The following PCDHA4 variants were observed in gnomAD, a reference collection of about 807,000 sequenced individuals.
PCDHA4 encodes the protein protocadherin alpha 4, also known as protocadherin alpha-4.
Under a neutral mutation model 61.4 loss-of-function variants are expected in PCDHA4, and 49 were observed. That is an observed-to-expected ratio of 0.80 (90% CI 0.63 to 1.01). The LOEUF is 1.01. Among genes scored for constraint, PCDHA4 ranks in the 50% least tolerant of loss-of-function variants. PCDHA4 has a pLI of 0.00. For synonymous variants in PCDHA4, 590 were observed against 550.3 expected, an observed-to-expected ratio of 1.07 and a Z score of -1.01; for missense variants, 1,254 against 1,235.8, an observed-to-expected ratio of 1.01 and a Z score of -0.22.
chr5:140,814,401 A>G (rs1765508125), intron 1 of PCDHA4: 2 of 151,200 alleles, frequency 1.3e-5, no homozygotes, highest in East Asian at 1.9e-4. Flanking sequence ...TTCTAGTGGA[A>G]TACTTCCCAA....
rs2150496669 is a variant in PCDHA4 at position 140,850,740 on chromosome 5, T to C, written c.2385+41168T>C. 3.8e-6 allele frequency: 6 copies of C among 1,597,446 alleles called. No individual in the cohort carries two copies. In the South Asian group the frequency reaches 4.4e-5, roughly 12 times the overall value. On this transcript the variant is annotated intron_variant, in intron 1 of 3. Transcript: ENST00000530339. ...GTGTTCTAGCGCGGTGGGGAGTTGG[T>C]CGTACTCGCAGCAGAGGAGGCAGAG...
chr5:140,877,604 T>G (rs376081263), intron 1 of PCDHA4: 2 of 1,613,768 alleles, frequency 1.2e-6, no homozygotes, highest in African/African-American at 1.3e-5. Context: ...TCCAGCCTGC[T>G]GGTGCTCACG....
intron 1 of PCDHA4, chr5:140,823,140 G>T (rs2150122762): frequency 1.2e-6 from 2 of 1,614,000 alleles, no homozygotes; most frequent in South Asian, 2.2e-5. Context: ...CGGCGTTCGC[G>T]CAGCCCCAGT....
chr5:141,006,680 G>A (rs1449792614), intron 3 of PCDHA4, among the ~76,000 whole-genome samples: 5 of 152,036 alleles, frequency 3.3e-5, no homozygotes, highest in African/African-American at 1.2e-4. Flanking sequence ...AGTGAAAATT[G>A]GGAGAAGAGG....
At chr5:140,870,938 C>G in intron 1 of PCDHA4, 1 of 1,613,724 alleles carries the variant, frequency 6.2e-7, no homozygotes, top group Non-Finnish European at 8.5e-7. Flanking sequence ...GAATTGCAGC[C>G]GGCGGCGGGC....
At chr5:140,830,019 C>T (rs2150179652) in intron 1 of PCDHA4, 3 of 1,613,890 alleles carry the variant, frequency 1.9e-6, no homozygotes, top group Admixed American at 1.7e-5. Flanking sequence ...GCGGACTCTC[C>T]GCGCCACCGG....
intron 1 of PCDHA4, chr5:140,884,108 G>T: frequency 1.9e-6 from 3 of 1,613,402 alleles, no homozygotes; most frequent in Non-Finnish European, 2.5e-6. Context: ...ATTGCAGCTG[G>T]CGGCGGTCGG....
At position 140,808,651 on chromosome 5, in the gene PCDHA4, G is replaced by T. The variant is rs144041965; in HGVS notation, c.1464G>T (p.Ala488=). Residue 488 remains alanine, a synonymous_variant, in exon 1 of 4, where the codon GCG becomes GCT. Coordinates refer to ENST00000530339, the MANE Select transcript of PCDHA4 (RefSeq NM_018907.4). ...SAWDADAQEN[A]LVSYSLVERR... ...GGGACGCGGACGCGCAGGAGAACGC[G>T]CTGGTGTCCTACTCGCTGGTAGAGC... 2 of 1,613,310 alleles carry T rather than the reference G, an allele frequency of 1.2e-6. No homozygotes were observed. The highest frequency in any genetic ancestry group is 1.3e-5 in the African/African-American group (1 of 75,050).
At chr5:140,842,245 G>A in intron 1 of PCDHA4, 1 of 1,611,970 alleles carries the variant, frequency 6.2e-7, no homozygotes. Context: ...GGGGTAATTT[G>A]GATTTTGAAC....
chr5:140,821,706 TG>T, intron 1 of PCDHA4: 2 of 1,441,006 alleles, frequency 1.4e-6, no homozygotes, highest in Non-Finnish European at 1.9e-6. Flanking sequence ...TATAGTTAAT[TG>T]GGAATTGAAT....
At chr5:140,822,534 T>C (rs2150117075) in intron 1 of PCDHA4, 3 of 1,613,922 alleles carry the variant, frequency 1.9e-6, no homozygotes, top group East Asian at 2.2e-5. Context: ...TGTTGGAAAA[T>C]GCACCAAGTG....
intron 1 of PCDHA4, among the ~76,000 whole-genome samples, chr5:140,946,691 G>C (rs782114019): frequency 6.8e-6 from 1 of 147,578 alleles, no homozygotes; most frequent in Non-Finnish European, 1.5e-5. Flanking sequence ...TGACAATATG[G>C]ATGAATCTGG....
intron 1 of PCDHA4, chr5:140,813,669 T>C (rs1239487603): frequency 6.6e-6 from 1 of 152,186 alleles, no homozygotes; most frequent in Non-Finnish European, 1.5e-5. Flanking sequence ...TAAAGCACTA[T>C]ACATTTAGGC....
chr5:140,899,253 A>T (rs1340284203), intron 1 of PCDHA4, among the ~76,000 whole-genome samples: 1 of 152,284 alleles, frequency 6.6e-6, no homozygotes, highest in East Asian at 1.9e-4. Context: ...GAGAGAGGGC[A>T]TCCCTGTCTT....
intron 1 of PCDHA4, among the ~76,000 whole-genome samples, chr5:140,941,202 C>CTTTCTTTCTTTCTTTCTTTCTTTCTTT (rs1554213921): frequency 8.1e-6 from 1 of 122,708 alleles, no homozygotes; most frequent in Admixed American, 8.6e-5. Context: ...TTTCTTTCTT[C>CTTTCTTTCTTTCTTTCTTTCTTTCTTT]CTTTCTTTCT....
intron 3 of PCDHA4, among the ~76,000 whole-genome samples, chr5:140,985,878 T>C (rs891027308): frequency 6.6e-6 from 1 of 151,706 alleles, no homozygotes; most frequent in Non-Finnish European, 1.5e-5. Flanking sequence ...TAGCTGGGAC[T>C]ACAGGCGCCC....
intron 1 of PCDHA4, chr5:140,875,266 A>G (rs1262893019): frequency 8.3e-7 from 1 of 1,202,212 alleles, no homozygotes. Flanking sequence ...ATGTCGCTCT[A>G]CACTCAGAAG....
intron 1 of PCDHA4, chr5:140,824,068 A>C (rs781864798): frequency 1.2e-6 from 2 of 1,614,142 alleles, no homozygotes. Flanking sequence ...AGCTCCACCC[A>C]AAACAGACCT....
chr5:140,857,703 T>C (rs782327503), intron 1 of PCDHA4: 6 of 1,597,222 alleles, frequency 3.8e-6, no homozygotes, highest in Middle Eastern at 1.8e-4. Flanking sequence ...ACGCTGCAGG[T>C]GTTCGTGCTG....
Sources: gnomAD v4.1 joint callset for allele counts (sites outside exome capture counted in the v4.1 genomes callset) on GRCh38, gnomAD v4.1.1 for gene constraint, MANE v1.5 for transcripts, NCBI Gene and HGNC (gene_info 2026-07-23, HGNC 2026-07-21) for gene names.